Variants in CD47 observed in about 807,000 individuals in gnomAD.
CD47 encodes CD47 molecule, also known as leukocyte surface antigen CD47.
CD47 carries 11 observed loss-of-function variants against 44.6 expected under a neutral mutation model. The observed-to-expected ratio is 0.25, with a 90% CI of 0.16 to 0.41. CD47 has a LOEUF of 0.41. Among genes scored for constraint, CD47 ranks in the 10% least tolerant of loss-of-function variants. The pLI is 1.00. For missense variants in CD47, 306 were observed against 386.7 expected, an observed-to-expected ratio of 0.79 and a Z score of 1.75; for synonymous variants, 140 against 136.3, an observed-to-expected ratio of 1.03 and a Z score of -0.19.
In CD47 at chr3:108,076,911, G is replaced by A. The variant is rs893766656; in HGVS notation, c.400+3080C>T. On this transcript the variant is annotated intron_variant, in intron 2 of 10. Coordinates refer to ENST00000361309, the MANE Select transcript of CD47 (RefSeq NM_001777.4). Reference sequence around the variant, plus strand: ...TTACTGTACTAAGAAGAATTTGAGGGACAGATAGGTTGAGTTTTTTATCCA... The same window carrying A: ...TTACTGTACTAAGAAGAATTTGAGGAACAGATAGGTTGAGTTTTTTATCCA... 5.3e-5 allele frequency among the ~76,000 whole-genome samples: 8 copies of A among 152,260 alleles called. No individual in the cohort carries two copies. In the East Asian group the frequency reaches 1.5e-3, roughly 29 times the overall value.
At position 108,058,339 on chromosome 3, in the gene CD47, G is replaced by A. The variant is rs866855775; in HGVS notation, c.782C>T (p.Ala261Val). 10 of 1,546,550 alleles carry A rather than the reference G, an allele frequency of 6.5e-6. No homozygotes were observed. In the East Asian group the frequency reaches 7.1e-5, roughly 11 times the overall value. Reference protein sequence around the residue: ...LAVVGLSLCIAACIPMHGPLL... With the variant: ...LAVVGLSLCIVACIPMHGPLL... ...GTCTACAGAAAGATGACTCTTACCC[G>A]CAATACAGAGACTCAGTCCAACCAC... Residue 261 changes from alanine to valine, a missense_variant and splice_region_variant, in exon 6 of 11, where the codon GCG becomes GTG. By Grantham distance (64) the Ala-to-Val change is moderately conservative. This residue lies in a region of CD47 where 131 missense variants were observed against 135.3 expected (regional missense o/e 0.97). Coordinates refer to ENST00000361309, the MANE Select transcript of CD47 (RefSeq NM_001777.4).
In CD47 at chr3:108,080,109, T is replaced by C. The variant is rs2079388401; in HGVS notation, c.282A>G (p.Gly94=). The change falls in exon 2 of 11, where the codon GGA becomes GGG. Residue 94 remains glycine (G), a synonymous_variant. Transcript: ENST00000361309. ...TCTTATCCATCTTCAAAGAGGCATCTCCTTTTAGTAATTGTGAGACTTCAA... is the reference window on the plus strand; with the variant it reads ...TCTTATCCATCTTCAAAGAGGCATCCCCTTTTAGTAATTGTGAGACTTCAA... ...AKIEVSQLLK[G]DASLKMDKSD... 6.2e-7 allele frequency: 1 copy of C among 1,612,934 alleles called. No individual in the cohort carries two copies. Among genetic ancestry groups the C allele is most frequent in the African/African-American group, 1.3e-5 (1 of 74,888 alleles).
intron 3 of CD47, among the ~76,000 whole-genome samples, chr3:108,064,665 A>G (rs2079073464): frequency 3.3e-5 from 5 of 152,202 alleles, no homozygotes; most frequent in Admixed American, 3.3e-4. Flanking sequence ...CCAAAACCCA[A>G]GAATTTAATG....
rs758228197 is a variant in CD47, at chr3:108,090,915, G to C, written c.-7C>G. 2 of 1,472,386 alleles carry C rather than the reference G, an allele frequency of 1.4e-6. No homozygotes were observed. Among genetic ancestry groups the C allele is most frequent in the Non-Finnish European group, 9.0e-7 (1 of 1,116,274 alleles). The allele number at this position is 1,472,386 out of a possible 1,614,324, so 91.2% of individuals were successfully genotyped here. The stretch of plus-strand genomic sequence containing the variant: ...CCGCTACCAGGGGCCACATCTCCGC[G>C]CCCGCCGCGGGGTCGCCGCCGCCGC... On this transcript the variant is annotated 5_prime_UTR_variant, in exon 1 of 11. Coordinates refer to ENST00000361309, the MANE Select transcript of CD47 (RefSeq NM_001777.4).
rs145236576 is a variant in CD47 at position 108,086,238 on chromosome 3, C to T, written c.46+4625G>A. On this transcript the variant is annotated intron_variant, in intron 1 of 10. Transcript: ENST00000361309. ...TGATAACATAAACAACTGTAAACCA[C>T]TCAGATTTAATTTCATTAAAAAAAA... is the stretch of plus-strand genomic sequence containing the variant. 4.0e-5 allele frequency among the ~76,000 whole-genome samples: 6 copies of T among 151,702 alleles called. No homozygotes were observed. The East Asian group carries it at 1.2e-3, about 29-fold the overall frequency.
intron 1 of CD47, among the ~76,000 whole-genome samples, chr3:108,084,869 C>G (rs544192774): frequency 1.3e-5 from 2 of 152,028 alleles, no homozygotes; most frequent in Admixed American, 6.6e-5. Flanking sequence ...CCTCCCCCCT[C>G]GAACTACTGC....
At chr3:108,049,344 C>T (rs894449407) in intron 10 of CD47, among the ~76,000 whole-genome samples, 8 of 152,146 alleles carry the variant, frequency 5.3e-5, no homozygotes, top group African/African-American at 1.9e-4. Flanking sequence ...TCACCAGACA[C>T]GGAATCTGAA....
At chr3:108,084,839 T>C (rs560051558) in intron 1 of CD47, among the ~76,000 whole-genome samples, 23 of 152,192 alleles carry the variant, frequency 1.5e-4, no homozygotes, top group Admixed American at 1.5e-3. Flanking sequence ...GTCTGTTGAA[T>C]GAATGAATTA....
At chr3:108,084,808 TTA>T (rs2079487946) in intron 1 of CD47, among the ~76,000 whole-genome samples, 1 of 152,042 alleles carries the variant, frequency 6.6e-6, no homozygotes, top group South Asian at 2.1e-4. Context: ...TTCAACCTAA[TTA>T]ATAGTTCCTA....
At chr3:108,083,871 T>C (rs2079464947) in intron 1 of CD47, among the ~76,000 whole-genome samples, 1 of 149,472 alleles carries the variant, frequency 6.7e-6, no homozygotes, top group African/African-American at 2.4e-5. Context: ...CCTATAAACC[T>C]ACCTGTAACC....
At position 108,043,227 on chromosome 3, in the gene CD47, C is replaced by A. The variant is rs1257287367; in HGVS notation, c.*4061G>T. 1 of 152,484 alleles carries A rather than the reference C, an allele frequency of 6.6e-6. No homozygotes were observed. Among genetic ancestry groups the A allele is most frequent in the East Asian group, 1.9e-4 (1 of 5,194 alleles). 9.4% of individuals were successfully genotyped at this position (152,484 alleles called of 1,614,324 possible). On this transcript the variant is annotated 3_prime_UTR_variant, in exon 11 of 11. Coordinates refer to ENST00000361309, the MANE Select transcript of CD47 (RefSeq NM_001777.4). ...CTAGAATATAAGCAACTTAAAAATA[C>A]ATTAATAAATTAAATTTTTCAGAAA...
intron 1 of CD47, among the ~76,000 whole-genome samples, chr3:108,085,326 T>C (rs905097349): frequency 2.6e-5 from 4 of 152,130 alleles, no homozygotes; most frequent in African/African-American, 9.7e-5. Flanking sequence ...CTCATGTACT[T>C]CTTAGCTGTA....
chr3:108,056,047 T>C (rs2078908313), intron 7 of CD47, among the ~76,000 whole-genome samples: 1 of 152,142 alleles, frequency 6.6e-6, no homozygotes, highest in Non-Finnish European at 1.5e-5. Flanking sequence ...TTCACCAGAG[T>C]TGTATGGATA....
chr3:108,067,185 A>T (rs1164349667), intron 3 of CD47, among the ~76,000 whole-genome samples: 1 of 152,220 alleles, frequency 6.6e-6, no homozygotes, highest in Non-Finnish European at 1.5e-5. Flanking sequence ...TCATTTCCCA[A>T]TGCCGTTGTT....
At chr3:108,079,230 T>C (rs1258072600) in intron 2 of CD47, among the ~76,000 whole-genome samples, 1 of 151,840 alleles carries the variant, frequency 6.6e-6, no homozygotes, top group Non-Finnish European at 1.5e-5. Flanking sequence ...AACATACTCA[T>C]ATGGGGTTGA....
At chr3:108,083,139 T>C (rs538461827) in intron 1 of CD47, among the ~76,000 whole-genome samples, 2 of 152,224 alleles carry the variant, frequency 1.3e-5, no homozygotes, top group South Asian at 2.1e-4. Context: ...GATATGCTTA[T>C]AGCAGTCTAA....
chr3:108,047,228 C>G lies in CD47; in HGVS notation c.*60G>C. The G allele has an allele frequency of 4.1e-6, 6 of 1,449,986 alleles. No individual in the cohort carries two copies. The highest frequency in any genetic ancestry group is 5.7e-6 in the Non-Finnish European group (6 of 1,043,482). 89.8% of individuals were successfully genotyped at this position (1,449,986 alleles called of 1,614,324 possible). A position where few individuals can be genotyped will look rare whatever the true frequency, so the allele number is the denominator to read the frequency against. On this transcript the variant is annotated 3_prime_UTR_variant, in exon 11 of 11. Coordinates refer to ENST00000361309, the MANE Select transcript of CD47 (RefSeq NM_001777.4). ...TCATCAAGGCCATGGTGCTTAAACACAAGTGTATTCCTTTCACGTCTTACT... is the reference window on the plus strand; with the variant it reads ...TCATCAAGGCCATGGTGCTTAAACAGAAGTGTATTCCTTTCACGTCTTACT...
intron 3 of CD47, among the ~76,000 whole-genome samples, chr3:108,066,700 C>T (rs1327197253): frequency 6.6e-6 from 1 of 152,076 alleles, no homozygotes; most frequent in Non-Finnish European, 1.5e-5. Context: ...TAAAAACTGA[C>T]AAATGCTAGG....
At chr3:108,049,093 CATCTCTCTCT>C (rs2078774546) in intron 10 of CD47, among the ~76,000 whole-genome samples, 1 of 115,474 alleles carries the variant, frequency 8.7e-6, no homozygotes, top group South Asian at 3.1e-4. Flanking sequence ...GAGGACGAAA[CATCTCTCTCT>C]CTCTCTCTCT....
Sources: gnomAD v4.1 joint callset for allele counts (sites outside exome capture counted in the v4.1 genomes callset) on GRCh38, gnomAD v4.1.1 for gene constraint, gnomAD v4.1.1 regional missense constraint, MANE v1.5 for transcripts, NCBI Gene and HGNC (gene_info 2026-07-23, HGNC 2026-07-21) for gene names.